GALNT17: variants seen among roughly 807,000 people sequenced by gnomAD.
GALNT17 encodes the protein UDP-GalNAc:polypeptide N-acetylgalactosaminyltransferase-like 3.
Under a neutral mutation model 63.7 loss-of-function variants are expected in GALNT17, and 29 were observed. That is an observed-to-expected ratio of 0.46 (90% CI 0.34 to 0.62). The LOEUF (loss-of-function observed/expected upper bound fraction) is 0.62, where lower values mean the gene tolerates loss of function less well. Among genes scored for constraint, GALNT17 ranks in the 20% least tolerant of loss-of-function variants. GALNT17 has a pLI of 0.01. For missense variants in GALNT17, 603 were observed against 799.6 expected (o/e 0.75, Z 2.97); for synonymous variants, 305 against 318.3 (o/e 0.96, Z 0.45).
intron 5 of GALNT17, among the ~76,000 whole-genome samples, chr7:71,508,165 A>G (rs28391523): frequency 2.7e-4 from 41 of 152,026 alleles, no homozygotes; most frequent in African/African-American, 9.7e-4. Flanking sequence ...TCCTCTGCTT[A>G]GTTTCTTTCC....
chr7:71,638,416 G>T (rs2117002494), intron 6 of GALNT17, among the ~76,000 whole-genome samples: 1 of 152,228 alleles, frequency 6.6e-6, no homozygotes, highest in East Asian at 1.9e-4. Context: ...GAGTTGCTCT[G>T]GTTCAAATCC....
intron 1 of GALNT17, among the ~76,000 whole-genome samples, chr7:71,162,131 T>TC (rs1562875738): frequency 5.0e-5 from 6 of 119,880 alleles, no homozygotes; most frequent in South Asian, 3.4e-4. Context: ...CTCCCTTCCT[T>TC]CCTTCCTTCC....
intron 9 of GALNT17, among the ~76,000 whole-genome samples, chr7:71,689,153 G>A (rs1403962619): frequency 6.6e-6 from 1 of 152,010 alleles, no homozygotes; most frequent in Admixed American, 6.6e-5. Context: ...TCCACTGTTG[G>A]GCCATTCTCC....
At position 71,183,670 on chromosome 7, in the gene GALNT17, G is replaced by C. The variant is rs551775514; in HGVS notation, c.238+50630G>C. ...CCAGCACTTTGGTAGGCCAAGATGG[G>C]TGGATCACCTGAGGTCAGGAGTTCA... is the stretch of plus-strand genomic sequence containing the variant. On this transcript the variant is annotated intron_variant, in intron 1 of 10. Transcript: ENST00000333538. 5.3e-5 allele frequency among the ~76,000 whole-genome samples: 8 copies of C among 152,224 alleles called. No individual in the cohort carries two copies. The South Asian group carries it at 1.7e-3, about 32-fold the overall frequency.
intron 1 of GALNT17, among the ~76,000 whole-genome samples, chr7:71,173,819 G>A (rs565963087): frequency 6.6e-6 from 1 of 152,166 alleles, no homozygotes; most frequent in South Asian, 2.1e-4. Context: ...AGCCACTCAA[G>A]CTCAGGGTAT....
intron 5 of GALNT17, among the ~76,000 whole-genome samples, chr7:71,532,792 A>T (rs531068510): frequency 6.6e-6 from 1 of 152,304 alleles, no homozygotes; most frequent in East Asian, 1.9e-4. Flanking sequence ...CAAAGGAATT[A>T]AAAAAGTAGA....
intron 5 of GALNT17, among the ~76,000 whole-genome samples, chr7:71,488,070 C>T (rs1392924878): frequency 1.3e-5 from 2 of 151,050 alleles, no homozygotes; most frequent in African/African-American, 4.9e-5. Flanking sequence ...CTCGGGAGAC[C>T]AAGGCGGAAG....
At chr7:71,198,903 A>G (rs1363102704) in intron 1 of GALNT17, among the ~76,000 whole-genome samples, 4 of 152,204 alleles carry the variant, frequency 2.6e-5, no homozygotes, top group Non-Finnish European at 5.9e-5. Context: ...TCAGAATCAC[A>G]TGGAGAGCTT....
chr7:71,640,510 T>A (rs1368559697), intron 6 of GALNT17, among the ~76,000 whole-genome samples: 6 of 152,208 alleles, frequency 3.9e-5, no homozygotes, highest in African/African-American at 1.4e-4. Context: ...GAATGTAGGC[T>A]AGACATTTTT....
intron 1 of GALNT17, among the ~76,000 whole-genome samples, chr7:71,311,835 G>A (rs1791419134): frequency 6.6e-6 from 1 of 152,196 alleles, no homozygotes; most frequent in South Asian, 2.1e-4. Flanking sequence ...TGATTGCTGA[G>A]ATGCAAGGAA....
intron 1 of GALNT17, among the ~76,000 whole-genome samples, chr7:71,188,886 A>G (rs1329933759): frequency 6.6e-6 from 1 of 152,158 alleles, no homozygotes; most frequent in African/African-American, 2.4e-5. Context: ...AGAGTGAGAG[A>G]ATAGGAGAGA....
intron 6 of GALNT17, among the ~76,000 whole-genome samples, chr7:71,574,954 AAAGT>A (rs1294107551): frequency 6.6e-6 from 1 of 152,162 alleles, no homozygotes; most frequent in East Asian, 1.9e-4. Context: ...ACACTGGCCC[AAAGT>A]GAGTCCTTTC....
intron 1 of GALNT17, among the ~76,000 whole-genome samples, chr7:71,233,394 C>A (rs987560518): frequency 5.3e-5 from 8 of 152,172 alleles, no homozygotes; most frequent in Non-Finnish European, 5.9e-5. Flanking sequence ...TCTGAAGGCT[C>A]CCAAGACAGT....
chr7:71,270,256 C>G (rs1487908396), intron 1 of GALNT17, among the ~76,000 whole-genome samples: 1 of 152,032 alleles, frequency 6.6e-6, no homozygotes, highest in African/African-American at 2.4e-5. Context: ...TCACTCTCCC[C>G]CCTTGTATCT....
intron 6 of GALNT17, among the ~76,000 whole-genome samples, chr7:71,610,761 G>A (rs951355508): frequency 1.2e-4 from 19 of 152,038 alleles, no homozygotes; most frequent in African/African-American, 3.6e-4. Flanking sequence ...TGAGGTGAGC[G>A]GATCACCTGA....
chr7:71,265,116 A>ATTTTTTTT, intron 1 of GALNT17, among the ~76,000 whole-genome samples: 1 of 59,032 alleles, frequency 1.7e-5, no homozygotes, highest in Admixed American at 1.8e-4. Flanking sequence ...ATATATATAT[A>ATTTTTTTT]TATTTTTTTT....
chr7:71,633,123 A>AAAAAAG (rs1280213821), intron 6 of GALNT17, among the ~76,000 whole-genome samples: 23 of 151,538 alleles, frequency 1.5e-4, no homozygotes, highest in Non-Finnish European at 2.9e-4. Flanking sequence ...AAAAAAAAAA[A>AAAAAAG]AAGAAGGTTG....
At chr7:71,527,337 A>G (rs1788640737) in intron 5 of GALNT17, among the ~76,000 whole-genome samples, 1 of 152,216 alleles carries the variant, frequency 6.6e-6, no homozygotes, top group Non-Finnish European at 1.5e-5. Flanking sequence ...GTCATTGCAT[A>G]ACACCGCCGT....
At chr7:71,685,946 C>CTTTTT (rs1347994922) in intron 9 of GALNT17, among the ~76,000 whole-genome samples, 12 of 86,808 alleles carry the variant, frequency 1.4e-4, no homozygotes, top group Middle Eastern at 6.2e-3. Context: ...AAGGCAATTA[C>CTTTTT]TATTTTTTTT....
Sources: allele counts gnomAD v4.1 joint callset (sites outside exome capture counted in the v4.1 genomes callset), GRCh38; gene constraint gnomAD v4.1.1; transcripts MANE v1.5; gene names NCBI Gene and HGNC (gene_info 2026-07-23, HGNC 2026-07-21).